Variants in SNTG2 observed in about 807,000 individuals in gnomAD.
SNTG2 encodes syntrophin gamma 2, also known as gamma-2-syntrophin.
In SNTG2, 74 loss-of-function variants were observed where a neutral mutation model predicts 70.9. The ratio of observed to expected loss-of-function variants is 1.04; its 90% confidence interval spans 0.86 to 1.27. The LOEUF is 1.27. Among genes scored for constraint, SNTG2 ranks in the 50% most tolerant of loss-of-function variants. The probability of loss-of-function intolerance (pLI) is 0.00; values close to 1 mark genes in which losing one functional copy is unlikely to be tolerated. For missense variants in SNTG2, 717 were observed against 690.7 expected, an observed-to-expected ratio of 1.04 and a Z score of -0.43; for synonymous variants, 278 against 273.8, an observed-to-expected ratio of 1.02 and a Z score of -0.15.
chr2:1,225,869 A>G (rs1228685225), intron 9 of SNTG2, among the ~76,000 whole-genome samples: 1 of 152,198 alleles, frequency 6.6e-6, no homozygotes, highest in Non-Finnish European at 1.5e-5. Flanking sequence ...CGGTGTGTGC[A>G]GCTTAGCACA....
chr2:1,112,784 G>A (rs1038955422), intron 4 of SNTG2, among the ~76,000 whole-genome samples: 1 of 151,546 alleles, frequency 6.6e-6, no homozygotes, highest in South Asian at 2.1e-4. Flanking sequence ...AGGATCGTGT[G>A]TACTAAGTGA....
chr2:1,287,758 C>A (rs900122529), intron 14 of SNTG2, among the ~76,000 whole-genome samples: 3 of 152,230 alleles, frequency 2.0e-5, no homozygotes, highest in Non-Finnish European at 4.4e-5. Context: ...ACCCTCTGGC[C>A]ACCGCTGAAG....
intron 9 of SNTG2, among the ~76,000 whole-genome samples, chr2:1,221,340 GCTGTCTCTGCCT>G (rs889198681): frequency 2.5e-3 from 15 of 6,046 alleles, no homozygotes; most frequent in East Asian, 6.5e-3. Context: ...TCTCTCTGTT[GCTGTCTCTGCCT>G]CTGTCTCTGC....
chr2:1,263,866 T>C (rs1303687934), intron 13 of SNTG2, among the ~76,000 whole-genome samples: 1 of 152,206 alleles, frequency 6.6e-6, no homozygotes, highest in Non-Finnish European at 1.5e-5. Flanking sequence ...AAACAGCTAA[T>C]ACTGGGCAAA....
At position 1,309,568 on chromosome 2, in the gene SNTG2, G is replaced by C. The variant is rs1680877602; in HGVS notation, c.1377+982G>C. ...CAGGGCACCTGCAGGGTGGAGCCCA[G>C]GGATGCCGCTCTGGGCACAGGGCCC... On this transcript the variant is annotated intron_variant, in intron 15 of 16. Transcript: ENST00000308624. 5.3e-5 allele frequency among the ~76,000 whole-genome samples: 8 copies of C among 152,246 alleles called. No homozygotes were observed. The South Asian group carries it at 1.7e-3, about 31-fold the overall frequency.
At chr2:1,007,477 TA>T in intron 1 of SNTG2, among the ~76,000 whole-genome samples, 1 of 152,280 alleles carries the variant, frequency 6.6e-6, no homozygotes, top group East Asian at 1.9e-4. Flanking sequence ...GTTTCCACAG[TA>T]AAAATGGCAT....
At position 1,137,631 on chromosome 2, in the gene SNTG2, C is replaced by T. The variant is rs1172750107; in HGVS notation, c.335C>T (p.Thr112Ile). 3.1e-6 allele frequency: 5 copies of T among 1,613,106 alleles called. No individual in the cohort carries two copies. Among genetic ancestry groups the T allele is most frequent in the East Asian group, 2.2e-5 (1 of 44,878 alleles). ...KIFEDQAADQ[T>I]GMLFVGDAVL... Reference sequence around the variant, plus strand: ...TTTTGCCACCCTGCAGCTGACCAGACAGGGATGTTGTTCGTAGGAGATGCT... The same window carrying T: ...TTTTGCCACCCTGCAGCTGACCAGATAGGGATGTTGTTCGTAGGAGATGCT... The change falls in exon 5 of 17, where the codon ACA becomes ATA. Residue 112 changes from threonine (T) to isoleucine (I), a missense_variant. By Grantham distance (89) the Thr-to-Ile change is moderately conservative. Transcript: ENST00000308624.
In SNTG2 at chr2:950,914, T is replaced by A. The variant is rs1659930684; in HGVS notation, c.-83T>A. 1.1e-5 allele frequency: 7 copies of A among 663,430 alleles called. No individual in the cohort carries two copies. Among genetic ancestry groups the A allele is most frequent in the Non-Finnish European group, 1.2e-5 (6 of 490,486 alleles). 41.1% of individuals were successfully genotyped at this position (663,430 alleles called of 1,614,324 possible). The stretch of plus-strand genomic sequence containing the variant: ...GGGGCGCGGGCGCGGACGCGGCGCC[T>A]GGCGGGGCCCTGGGAGGCTCGGACG... On this transcript the variant is annotated 5_prime_UTR_variant, in exon 1 of 17. Transcript: ENST00000308624.
intron 16 of SNTG2, among the ~76,000 whole-genome samples, chr2:1,324,080 G>C (rs1255744332): frequency 8.1e-5 from 12 of 147,976 alleles, no homozygotes; most frequent in African/African-American, 3.0e-4. Flanking sequence ...TGGGACATGG[G>C]TAACAGTCAC....
At chr2:1,192,624 G>C (rs934936333) in intron 8 of SNTG2, among the ~76,000 whole-genome samples, 1 of 152,036 alleles carries the variant, frequency 6.6e-6, no homozygotes, top group Non-Finnish European at 1.5e-5. Context: ...CATCTGGTTG[G>C]AACAATGTGA....
intron 6 of SNTG2, among the ~76,000 whole-genome samples, chr2:1,156,934 C>A (rs1052232380): frequency 6.6e-6 from 1 of 152,032 alleles, no homozygotes; most frequent in East Asian, 1.9e-4. Context: ...ACAGTGAGAC[C>A]CTTGGAGGCC....
At position 1,203,690 on chromosome 2, in the gene SNTG2, ATGTG is replaced by A. The variant is rs1553355281; in HGVS notation, c.592-5393_592-5390del. Among the ~76,000 whole-genome samples, 17 of 141,372 alleles carry A rather than the reference ATGTG, an allele frequency of 1.2e-4. 1 individual carries two copies. The South Asian group carries it at 2.1e-3, about 17-fold the overall frequency. 92.7% of individuals were successfully genotyped at this position (141,372 alleles called of 152,430 possible). A position where few individuals can be genotyped will look rare whatever the true frequency, so the allele number is the denominator to read the frequency against. ...AAAAAAAAAATATATATATATATAT[ATGTG>A]TGTGTGTGTGTGTGTGTGTATGTGT... is the stretch of plus-strand genomic sequence containing the variant. On this transcript the variant is annotated intron_variant, in intron 8 of 16. Coordinates refer to ENST00000308624, the MANE Select transcript of SNTG2 (RefSeq NM_018968.4).
chr2:1,270,155 T>C (rs948839396), intron 14 of SNTG2, among the ~76,000 whole-genome samples: 8 of 152,140 alleles, frequency 5.3e-5, no homozygotes, highest in African/African-American at 1.9e-4. Flanking sequence ...CCTGCAGGCA[T>C]TTCCTGAGCT....
chr2:1,215,798 T>C (rs1266602970), intron 9 of SNTG2, among the ~76,000 whole-genome samples: 1 of 147,826 alleles, frequency 6.8e-6, no homozygotes, highest in African/African-American at 2.5e-5. Context: ...AGTGAGAACA[T>C]GCAGTGTTTG....
chr2:1,325,940 T>A (rs1039461553), intron 16 of SNTG2, among the ~76,000 whole-genome samples: 7 of 152,046 alleles, frequency 4.6e-5, no homozygotes, highest in Non-Finnish European at 2.9e-5. Flanking sequence ...TTCAAGTGAT[T>A]CTCTTGCCTC....
intron 16 of SNTG2, among the ~76,000 whole-genome samples, chr2:1,350,546 C>T (rs887636742): frequency 6.6e-6 from 1 of 152,172 alleles, no homozygotes; most frequent in African/African-American, 2.4e-5. Context: ...GCAAGGACAG[C>T]CGGATGCTGT....
At chr2:1,112,464 G>A (rs1244016261) in intron 4 of SNTG2, among the ~76,000 whole-genome samples, 5 of 151,742 alleles carry the variant, frequency 3.3e-5, no homozygotes, top group African/African-American at 9.7e-5. Context: ...TGTACTAAGT[G>A]AGGTTTAAAC....
intron 16 of SNTG2, among the ~76,000 whole-genome samples, chr2:1,350,134 A>C (rs1195957483): frequency 1.3e-5 from 2 of 151,904 alleles, no homozygotes; most frequent in African/African-American, 2.4e-5. Context: ...TGCCTTCTAC[A>C]TTTCAGACAT....
In SNTG2 at chr2:1,224,730, T is replaced by C. The variant is rs1454454927; in HGVS notation, c.720-13158T>C. 1.3e-5 allele frequency among the ~76,000 whole-genome samples: 2 copies of C among 152,238 alleles called. 1 individual carries two copies. Among genetic ancestry groups the C allele is most frequent in the African/African-American group, 4.8e-5 (2 of 41,462 alleles). ...AATGGTTTCCTGTTGTAGAGATTTT[T>C]ATGTTTACCTGGACTGGGTCCAGTC... On this transcript the variant is annotated intron_variant, in intron 9 of 16. Coordinates refer to ENST00000308624, the MANE Select transcript of SNTG2 (RefSeq NM_018968.4).
Sources: gnomAD v4.1 joint callset for allele counts (sites outside exome capture counted in the v4.1 genomes callset) on GRCh38, gnomAD v4.1.1 for gene constraint, MANE v1.5 for transcripts, NCBI Gene and HGNC (gene_info 2026-07-23, HGNC 2026-07-21) for gene names.